Variants in EPB41 observed in about 807,000 individuals in gnomAD.
The protein encoded by EPB41 is protein 4.1.
EPB41 carries 65 observed loss-of-function variants against 108.0 expected under a neutral mutation model. That is an observed-to-expected ratio of 0.60 (90% CI 0.49 to 0.74). The LOEUF is 0.74. Ranked by LOEUF, EPB41 falls within the 30% of genes least tolerant of loss-of-function variation. The probability of loss-of-function intolerance (pLI) is 0.00; values close to 1 mark genes in which losing one functional copy is unlikely to be tolerated. For synonymous variants in EPB41, 336 were observed against 358.9 expected (o/e 0.94, Z 0.72); for missense variants, 875 against 1,037.0 (o/e 0.84, Z 2.15).
At chr1:29,095,965 A>G (rs953773815) in intron 16 of EPB41, among the ~76,000 whole-genome samples, 6 of 152,166 alleles carry the variant, frequency 3.9e-5, no homozygotes, top group Non-Finnish European at 7.3e-5. Context: ...CTTAGGTTGG[A>G]ACTGCTTAAG....
At chr1:28,940,868 T>C (rs1471425612) in intron 1 of EPB41, among the ~76,000 whole-genome samples, 1 of 152,170 alleles carries the variant, frequency 6.6e-6, no homozygotes, top group African/African-American at 2.4e-5. Flanking sequence ...AGGATATCCA[T>C]TGTGTTGCTT....
intron 1 of EPB41, among the ~76,000 whole-genome samples, chr1:28,973,760 G>A (rs2095543727): frequency 1.3e-5 from 2 of 152,242 alleles, no homozygotes; most frequent in East Asian, 3.9e-4. Context: ...TGAGAATTCA[G>A]TTAATGTAAG....
chr1:29,047,044 C>G (rs772868260), intron 11 of EPB41, among the ~76,000 whole-genome samples: 1 of 151,932 alleles, frequency 6.6e-6, no homozygotes, highest in East Asian at 1.9e-4. Context: ...TTTTTCTGTT[C>G]TCTGGAAGAG....
At chr1:29,017,322 T>C (rs1392886780) in intron 6 of EPB41, among the ~76,000 whole-genome samples, 1 of 152,246 alleles carries the variant, frequency 6.6e-6, no homozygotes, top group Non-Finnish European at 1.5e-5. Context: ...GATATGATTC[T>C]AATTAATTTA....
At chr1:28,906,416 G>A (rs1482150094) in intron 1 of EPB41, among the ~76,000 whole-genome samples, 1 of 152,170 alleles carries the variant, frequency 6.6e-6, no homozygotes, top group Non-Finnish European at 1.5e-5. Flanking sequence ...AACCCTCTAC[G>A]CCTTGAGGGT....
chr1:28,910,928 C>G, upstream of EPB41: 1 of 971,112 alleles, frequency 1.0e-6, no homozygotes, highest in Non-Finnish European at 1.2e-6. Context: ...GGGCTTGGGG[C>G]ATAGCACAGC....
chr1:28,911,311 A>C (rs2092245577), upstream of EPB41, among the ~76,000 whole-genome samples: 1 of 152,192 alleles, frequency 6.6e-6, no homozygotes, highest in African/African-American at 2.4e-5. Flanking sequence ...AAAAGCCAGC[A>C]CTGGAATTCA....
At chr1:29,041,472 T>A (rs1260870366) in intron 11 of EPB41, 3 of 152,172 alleles carry the variant, frequency 2.0e-5, no homozygotes, top group African/African-American at 7.2e-5. Context: ...AGAGTGAGAC[T>A]CTGTCTCAAA....
chr1:29,111,822 CA>C (rs1340765599), intron 18 of EPB41, among the ~76,000 whole-genome samples: 1 of 150,666 alleles, frequency 6.6e-6, no homozygotes, highest in East Asian at 2.0e-4. Context: ...ACTAAAAATC[CA>C]AAAATTAGCT....
At chr1:28,979,211 A>G (rs948222689) in intron 1 of EPB41, among the ~76,000 whole-genome samples, 2 of 151,566 alleles carry the variant, frequency 1.3e-5, no homozygotes. Context: ...TTTAAAAGCT[A>G]ATTATTATTG....
chr1:28,929,444 A>G (rs993947296), intron 1 of EPB41, among the ~76,000 whole-genome samples: 1 of 150,702 alleles, frequency 6.6e-6, no homozygotes, highest in Non-Finnish European at 1.5e-5. Flanking sequence ...GTTAGCCAGG[A>G]TGGTCTCGAT....
At position 28,987,712 on chromosome 1, in the gene EPB41, C is replaced by T. The variant is rs763330269; in HGVS notation, c.275C>T (p.Ser92Phe). The T allele has an allele frequency of 8.0e-5, 129 of 1,614,026 alleles. No homozygotes were observed. Among genetic ancestry groups the T allele is most frequent in the Non-Finnish European group, 1.1e-4 (127 of 1,180,046 alleles). The change falls in exon 2 of 21, where the codon TCT becomes TTT. Residue 92 changes from serine (S) to phenylalanine (F), a missense_variant. Ser to Phe is a radical substitution (Grantham distance 155, BLOSUM62 -2). Coordinates refer to ENST00000343067, the MANE Select transcript of EPB41 (RefSeq NM_001376013.1). ...TCCTCGTTTCTCAAAAGGCCCAAAT[C>T]TCAGGTGTCCGAGGAAGAAGGCAAA... ...LFSSFLKRPK[S>F]QVSEEEGKEV...
In EPB41 at chr1:28,952,735, G is replaced by T. The variant is rs557923483; in HGVS notation, c.-7-34696G>T. On this transcript the variant is annotated intron_variant, in intron 1 of 20. Transcript: ENST00000343067. ...GTATAATATATATTATGGAAGATAA[G>T]TATTTCCAGACAAGGGCTATTATCT... 2.6e-4 allele frequency among the ~76,000 whole-genome samples: 40 copies of T among 152,272 alleles called. 1 individual carries two copies. The highest frequency in any genetic ancestry group is 9.4e-4 in the African/African-American group (39 of 41,558).
At chr1:29,054,772 C>T (rs1441753208) in intron 12 of EPB41, among the ~76,000 whole-genome samples, 2 of 152,122 alleles carry the variant, frequency 1.3e-5, no homozygotes, top group Admixed American at 1.3e-4. Context: ...ATAGCTTGAA[C>T]CTGAGAGGTT....
chr1:29,058,557 A>G (rs779433946), intron 12 of EPB41, 32 bp from the exon 13 acceptor site: 6 of 1,598,084 alleles, frequency 3.8e-6, no homozygotes, highest in Middle Eastern at 1.7e-4. Flanking sequence ...CTAACCTAAA[A>G]TGTTTTTACT....
At chr1:29,054,316 T>C (rs147345898) in intron 12 of EPB41, 2 of 152,312 alleles carry the variant, frequency 1.3e-5, no homozygotes, top group South Asian at 2.1e-4. Flanking sequence ...GAAATAAATA[T>C]AGCTCTTGCT....
intron 1 of EPB41, among the ~76,000 whole-genome samples, chr1:28,900,981 G>A (rs1482199038): frequency 1.3e-5 from 2 of 152,102 alleles, no homozygotes; most frequent in East Asian, 3.9e-4. Context: ...CCAGGCTGGA[G>A]TGCAGTGGCG....
At chr1:28,988,079 A>G (rs1242403980) in intron 2 of EPB41, among the ~76,000 whole-genome samples, 174 bp downstream of exon 2, 2 of 152,218 alleles carry the variant, frequency 1.3e-5, no homozygotes, top group African/African-American at 4.8e-5. Flanking sequence ...CCTGGCCAAC[A>G]TGGCCAAACC....
chr1:28,948,505 CA>C (rs34508731), intron 1 of EPB41, among the ~76,000 whole-genome samples: 39,462 of 90,804 alleles, frequency 0.43, 6,554 homozygotes, highest in East Asian at 0.75. Context: ...GACTCCGTAT[CA>C]AAAAAAAAAA....
Sources: gnomAD v4.1 joint callset for allele counts (sites outside exome capture counted in the v4.1 genomes callset) on GRCh38, gnomAD v4.1.1 for gene constraint, MANE v1.5 for transcripts, NCBI Gene and HGNC (gene_info 2026-07-23, HGNC 2026-07-21) for gene names.